The following MBD2 variants were observed in gnomAD, a reference collection of about 807,000 sequenced individuals.
The protein encoded by MBD2 is methyl-CpG-binding domain protein 2.
Under a neutral mutation model 39.3 loss-of-function variants are expected in MBD2, and 9 were observed. The ratio of observed to expected loss-of-function variants is 0.23; its 90% CI spans 0.14 to 0.40. MBD2 has a LOEUF of 0.40. Among genes scored for constraint, MBD2 ranks in the 10% least tolerant of loss-of-function variants. The pLI, the probability that MBD2 is intolerant of heterozygous loss-of-function variation, is 1.00. For synonymous variants in MBD2, 233 were observed against 211.1 expected (o/e 1.10, Z -0.90); for missense variants, 458 against 532.6 (o/e 0.86, Z 1.38).
intron 2 of MBD2, chr18:54,202,793 T>G: frequency 6.5e-7 from 1 of 1,544,022 alleles, no homozygotes; most frequent in South Asian, 1.3e-5. Context: ...ACCTACCGTG[T>G]GCAAAAGCAA....
intron 1 of MBD2, among the ~76,000 whole-genome samples, chr18:54,210,904 C>T (rs1194415072): frequency 7.6e-6 from 1 of 131,904 alleles, no homozygotes; most frequent in Non-Finnish European, 1.5e-5. Context: ...CAGAGTCTCG[C>T]TCTGTCGCCC....
rs1214852440 is a variant in MBD2 at position 54,212,309 on chromosome 18, T to C, written c.543-7152A>G. Among the ~76,000 whole-genome samples the C allele has an allele frequency of 2.0e-5, 3 of 152,270 alleles. No individual in the cohort carries two copies. The East Asian group carries it at 5.8e-4, about 29-fold the overall frequency. On this transcript the variant is annotated intron_variant, in intron 1 of 6. Transcript: ENST00000256429. ...ACAAAGCCTTCACAGAACCCAGTAA[T>C]AGGAATTTTCTTTCCTCTGAACCCA...
chr18:54,186,704 A>G (rs943259996), intron 3 of MBD2, among the ~76,000 whole-genome samples: 2 of 152,222 alleles, frequency 1.3e-5, no homozygotes, highest in Non-Finnish European at 2.9e-5. Flanking sequence ...TAGCACAATC[A>G]AAAGCATCCA....
Position 54,202,526 on chromosome 18 carries a change from T to C in MBD2, c.702+2472A>G, listed in dbSNP as rs186360473. ...TGCTTTATAGAACTATCTAATATGT[T>C]GCTGGTGTTACTTTCCAAGAGAACT... is the stretch of plus-strand genomic sequence containing the variant. On this transcript the variant is annotated intron_variant, in intron 2 of 6. Transcript: ENST00000256429. Among the ~76,000 whole-genome samples, 128 of 152,318 alleles carry C rather than the reference T, an allele frequency of 8.4e-4. 1 individual carries two copies. The highest frequency in any genetic ancestry group is 7.8e-3 in the Admixed American group (120 of 15,300).
intron 6 of MBD2, among the ~76,000 whole-genome samples, chr18:54,155,810 C>A (rs2086047994): frequency 6.6e-6 from 1 of 152,148 alleles, no homozygotes; most frequent in African/African-American, 2.4e-5. Flanking sequence ...TGGCACTGTG[C>A]AACTGCAAAT....
chr18:54,192,757 G>A (rs1317365685), intron 2 of MBD2, among the ~76,000 whole-genome samples: 1 of 152,108 alleles, frequency 6.6e-6, no homozygotes, highest in Non-Finnish European at 1.5e-5. Flanking sequence ...CATGGAACAG[G>A]TCAAACTATT....
chr18:54,190,047 A>T (rs938804320), intron 2 of MBD2, among the ~76,000 whole-genome samples: 1 of 152,204 alleles, frequency 6.6e-6, no homozygotes. Context: ...AAACAACCTG[A>T]TCAGCAATTA....
chr18:54,184,683 T>G (rs1258528593), intron 3 of MBD2, among the ~76,000 whole-genome samples: 1 of 152,224 alleles, frequency 6.6e-6, no homozygotes, highest in Non-Finnish European at 1.5e-5. Context: ...TTTTTACATT[T>G]TAAAAATATG....
At chr18:54,188,853 G>T in intron 3 of MBD2, 21 bp downstream of exon 3, 1 of 1,573,140 alleles carries the variant, frequency 6.4e-7, no homozygotes, top group Non-Finnish European at 8.7e-7. Flanking sequence ...AATAAGATTG[G>T]AGAACGAATT....
At chr18:54,195,685 C>T (rs1421709770) in intron 2 of MBD2, among the ~76,000 whole-genome samples, 2 of 151,810 alleles carry the variant, frequency 1.3e-5, no homozygotes. Flanking sequence ...GTGGCAGGCA[C>T]TAACTGGACC....
In MBD2 at chr18:54,155,108, T is replaced by C. The variant is rs983270503; in HGVS notation, c.*216A>G. The stretch of plus-strand genomic sequence containing the variant: ...CTGCTTGATATTACAAAAGACTAAT[T>C]TTAAGTCCTAGGACTCAAAATAAAC... On this transcript the variant is annotated 3_prime_UTR_variant, in exon 7 of 7. Coordinates refer to ENST00000256429, the MANE Select transcript of MBD2 (RefSeq NM_003927.5). The C allele has an allele frequency of 6.6e-6, 1 of 152,546 alleles. No individual in the cohort carries two copies. The highest frequency in any genetic ancestry group is 2.4e-5 in the African/African-American group (1 of 41,438). 9.4% of individuals were successfully genotyped at this position (152,546 alleles called of 1,614,324 possible).
At chr18:54,158,433 C>G (rs1179516749) in intron 6 of MBD2, among the ~76,000 whole-genome samples, 1 of 152,066 alleles carries the variant, frequency 6.6e-6, no homozygotes, top group Non-Finnish European at 1.5e-5. Context: ...TCAAAGGAAA[C>G]TAGTAAATAA....
At chr18:54,204,630 C>T (rs1281369420) in intron 2 of MBD2, among the ~76,000 whole-genome samples, 1 of 152,100 alleles carries the variant, frequency 6.6e-6, no homozygotes, top group Non-Finnish European at 1.5e-5. Flanking sequence ...ACCTGAAAAT[C>T]AATACGTAAT....
chr18:54,186,596 A>G (rs942507824), intron 3 of MBD2, among the ~76,000 whole-genome samples: 4 of 152,242 alleles, frequency 2.6e-5, no homozygotes, highest in Admixed American at 2.6e-4. Flanking sequence ...ATTTTCCAAT[A>G]TTCTGCCCAA....
intron 3 of MBD2, among the ~76,000 whole-genome samples, chr18:54,180,903 CTTTTTTT>C (rs1189903798): frequency 4.0e-5 from 2 of 49,878 alleles, no homozygotes; most frequent in Non-Finnish European, 6.7e-5. Context: ...TTTTCTTTTT[CTTTTTTT>C]TTTTTTTTTT....
intron 1 of MBD2, among the ~76,000 whole-genome samples, chr18:54,207,042 A>G (rs1181256797): frequency 6.6e-6 from 1 of 152,174 alleles, no homozygotes; most frequent in Non-Finnish European, 1.5e-5. Context: ...CAGCGCCCCC[A>G]TGTCTCAGCC....
At chr18:54,223,336 T>C (rs550823495) in intron 1 of MBD2, among the ~76,000 whole-genome samples, 1 of 152,210 alleles carries the variant, frequency 6.6e-6, no homozygotes, top group Non-Finnish European at 1.5e-5. Flanking sequence ...TTCCTTTGTA[T>C]TATCGAATAT....
intron 3 of MBD2, among the ~76,000 whole-genome samples, chr18:54,172,743 G>A (rs181653899): frequency 1.3e-5 from 2 of 152,322 alleles, no homozygotes; most frequent in South Asian, 2.1e-4. Context: ...TATTAGCAGA[G>A]TGAATGGGAT....
Position 54,189,988 on chromosome 18 carries a change from T to C in MBD2, c.703-977A>G, listed in dbSNP as rs568541126. ...TACCAATCAGGATAGCAATCATTTC[T>C]ACATTCTGAGAATGGAGGAAAATAT... is the stretch of plus-strand genomic sequence containing the variant. On this transcript the variant is annotated intron_variant, in intron 2 of 6. Transcript: ENST00000256429. Among the ~76,000 whole-genome samples, 6 of 152,094 alleles carry C rather than the reference T, an allele frequency of 3.9e-5. No homozygotes were observed. The East Asian group carries it at 1.2e-3, about 29-fold the overall frequency.
Sources: allele counts gnomAD v4.1 joint callset (sites outside exome capture counted in the v4.1 genomes callset), GRCh38; gene constraint gnomAD v4.1.1; transcripts MANE v1.5; gene names NCBI Gene and HGNC (gene_info 2026-07-23, HGNC 2026-07-21).